Variants in COL6A3 observed in about 807,000 individuals in gnomAD.
The protein encoded by COL6A3 is collagen type VI alpha 3 chain.
COL6A3 carries 137 observed loss-of-function variants against 274.1 expected under a neutral mutation model. That is an observed-to-expected ratio of 0.50 (90% CI 0.44 to 0.58). The LOEUF (loss-of-function observed/expected upper bound fraction) is 0.58. Among genes scored for constraint, COL6A3 ranks in the 20% least tolerant of loss-of-function variants. The pLI is 0.00. For synonymous variants in COL6A3, 1,650 were observed against 1,650.6 expected (o/e 1.00, Z 0.01); for missense variants, 3,950 against 4,124.9 (o/e 0.96, Z 1.16).
In COL6A3 at chr2:237,367,304, G is replaced by C. The variant is rs2106351081; in HGVS notation, c.4901-18C>G. 6.2e-7 allele frequency: 1 copy of C among 1,607,158 alleles called. No homozygotes were observed. Reference sequence around the variant, plus strand: ...CTTCTTCTCTAGAAGTGATTAAAGTGAAAATAAGGAGAGATTAGGTTTCCA... The same window carrying C: ...CTTCTTCTCTAGAAGTGATTAAAGTCAAAATAAGGAGAGATTAGGTTTCCA... On this transcript the variant is annotated intron_variant, in intron 10 of 43. Coordinates refer to ENST00000295550, the MANE Select transcript of COL6A3 (RefSeq NM_004369.4).
intron 16 of COL6A3, 138 bp from the exon 17 acceptor site, chr2:237,360,297 G>A: frequency 1.2e-6 from 1 of 856,644 alleles, no homozygotes; most frequent in East Asian, 2.7e-5. Flanking sequence ...GCCGATCGAG[G>A]CTACGTGAGC....
chr2:237,365,738 T>C lies in COL6A3; in HGVS notation c.5798A>G (p.Tyr1933Cys). The change falls in exon 12 of 44, where the codon TAC (tyrosine) becomes TGC (cysteine). Residue 1933 changes from tyrosine (Y) to cysteine (C), a missense_variant. Physicochemically the swap from Tyr to Cys is radical, Grantham distance 194. Transcript: ENST00000295550. ...CGAGGACTGTCTGAACTTGTTCAGGTAGACCTTCAGGGTGTCCTCCGTGAG... is the reference window on the plus strand; with the variant it reads ...CGAGGACTGTCTGAACTTGTTCAGGCAGACCTTCAGGGTGTCCTCCGTGAG... Reference protein sequence around the residue: ...YVLTEDTLKVYLNKFRQSSPD... With the variant: ...YVLTEDTLKVCLNKFRQSSPD... 1 of 1,614,186 alleles carries C rather than the reference T, an allele frequency of 6.2e-7. No homozygotes were observed. The highest frequency in any genetic ancestry group is 8.5e-7 in the Non-Finnish European group (1 of 1,180,030).
chr2:237,386,482 G>T (rs1383579581), intron 4 of COL6A3: 1 of 152,132 alleles, frequency 6.6e-6, no homozygotes, highest in Non-Finnish European at 1.5e-5. Context: ...TATTTATAAA[G>T]TTAGCAAATA....
At chr2:237,402,140 T>C (rs1166581089) in intron 1 of COL6A3, among the ~76,000 whole-genome samples, 4 of 152,148 alleles carry the variant, frequency 2.6e-5, no homozygotes, top group Non-Finnish European at 5.9e-5. Context: ...AATGCATTAC[T>C]TTATAATTCC....
Position 237,395,220 on chromosome 2 carries a change from T to C in COL6A3, c.92-16A>G. 6.2e-7 allele frequency: 1 copy of C among 1,612,420 alleles called. No individual in the cohort carries two copies. The highest frequency in any genetic ancestry group is 8.5e-7 in the Non-Finnish European group (1 of 1,179,714). Reference sequence around the variant, plus strand: ...TTTTTGACATCTTTAAAAAAAGACATTGGTTTAGATTTTTCTACTATGTAA... The same window carrying C: ...TTTTTGACATCTTTAAAAAAAGACACTGGTTTAGATTTTTCTACTATGTAA... On this transcript the variant is annotated splice_polypyrimidine_tract_variant and intron_variant, in intron 2 of 43. Transcript: ENST00000295550.
chr2:237,355,247 T>A (rs2077293521), intron 23 of COL6A3: 1 of 352,942 alleles, frequency 2.8e-6, no homozygotes, highest in Non-Finnish European at 5.1e-6. Context: ...GGCTGCACGA[T>A]CCCAGCCAGT....
At chr2:237,405,179 T>C (rs185318351) in intron 1 of COL6A3, among the ~76,000 whole-genome samples, 3 of 152,146 alleles carry the variant, frequency 2.0e-5, no homozygotes, top group African/African-American at 7.2e-5. Context: ...ATGGTTTGAC[T>C]GAGCTGAATT....
Position 237,364,405 on chromosome 2 carries a change from T to G in COL6A3, c.5862A>C (p.Gly1954=). The part of the protein sequence containing the change: ...SVKVVIHFTD[G]ADGDLADLHR... ...GTAAATCAGCCAGATCTCCGTCTGCTCCATCAGTAAAATGAATGACCACCT... is the reference window on the plus strand; with the variant it reads ...GTAAATCAGCCAGATCTCCGTCTGCGCCATCAGTAAAATGAATGACCACCT... Residue 1954 remains glycine (G), a synonymous_variant, in exon 13 of 44, where the codon GGA becomes GGC. Transcript: ENST00000295550. The surrounding 1 kb of genome is among the most constrained non-coding windows in gnomAD (Gnocchi z 4.6). The G allele has an allele frequency of 6.2e-7, 1 of 1,613,962 alleles. No homozygotes were observed.
intron 37 of COL6A3, 116 bp from the exon 38 acceptor site, chr2:237,341,266 C>A: frequency 9.1e-7 from 1 of 1,094,508 alleles, no homozygotes; most frequent in East Asian, 2.5e-5. Flanking sequence ...CAAAAGCGGG[C>A]CGGAAGCGGT....
At chr2:237,396,696 T>A (rs2078449615) in intron 2 of COL6A3, 31 bp downstream of exon 2, 1 of 1,602,960 alleles carries the variant, frequency 6.2e-7, no homozygotes, top group African/African-American at 1.3e-5. Context: ...ATATTCCTTT[T>A]TACAAAATCA....
chr2:237,366,879 C>T lies in COL6A3; in HGVS notation c.5308G>A (p.Gly1770Arg). Residue 1770 changes from glycine (G) to arginine (R), a missense_variant, in exon 11 of 44, where the codon GGG (glycine) becomes AGG (arginine). This residue lies in a region of COL6A3 where 632 missense variants were observed against 623.4 expected (regional missense o/e 1.01). Coordinates refer to ENST00000295550, the MANE Select transcript of COL6A3 (RefSeq NM_004369.4). ...QDVSLALTQR[G>R]VKVFAVGVRN... is the part of the protein sequence containing the mutation. The stretch of plus-strand genomic sequence containing the variant: ...ACTCCAACAGCAAACACTTTGACCC[C>T]CCTCTGGGTGAGGGCCAGGCTCACA... 2 of 1,614,256 alleles carry T rather than the reference C, an allele frequency of 1.2e-6. No individual in the cohort carries two copies. The highest frequency in any genetic ancestry group is 1.1e-5 in the South Asian group (1 of 91,088).
In COL6A3 at chr2:237,366,688, T is replaced by C. The variant is rs1199765651; in HGVS notation, c.5499A>G (p.Lys1833=). 5 of 1,614,120 alleles carry C rather than the reference T, an allele frequency of 3.1e-6. No individual in the cohort carries two copies. Among genetic ancestry groups the C allele is most frequent in the Non-Finnish European group, 4.2e-6 (5 of 1,180,048 alleles). ...TLCPGVTDAA[K]ACNLDVILGF... ...AAATATGCACATAATGGGAGTTACC[T>C]TTGGCAGCATCAGTTACACCAGGGC... Residue 1833 remains lysine, a splice_region_variant and synonymous_variant, in exon 11 of 44, where the codon AAA becomes AAG. Coordinates refer to ENST00000295550, the MANE Select transcript of COL6A3 (RefSeq NM_004369.4).
At chr2:237,356,162 A>C (rs1349117458) in intron 23 of COL6A3, among the ~76,000 whole-genome samples, 1 of 152,208 alleles carries the variant, frequency 6.6e-6, no homozygotes, top group Non-Finnish European at 1.5e-5. Flanking sequence ...AATTGAAATT[A>C]ATTGTATGAA....
At chr2:237,409,801 G>C (rs936210823) in intron 1 of COL6A3, among the ~76,000 whole-genome samples, 1 of 152,146 alleles carries the variant, frequency 6.6e-6, no homozygotes, top group Non-Finnish European at 1.5e-5. Context: ...TAATTCTACA[G>C]GGATACGCAA....
Position 237,387,874 on chromosome 2 carries a change from G to A in COL6A3, c.1020C>T (p.Ser340=). 6.2e-7 allele frequency: 1 copy of A among 1,614,056 alleles called. No homozygotes were observed. The highest frequency in any genetic ancestry group is 1.1e-5 in the South Asian group (1 of 91,058). Residue 340 remains serine (S), a synonymous_variant, in exon 4 of 44, where the codon AGC becomes AGT. Transcript: ENST00000295550. ...VENHFTRAGG[S]RVEEGVPQVL... The stretch of plus-strand genomic sequence containing the variant: ...CCTGGGGAACCCCTTCCTCCACGCG[G>A]CTGCCCCCTGCCCGGGTGAAGTGGT...
intron 39 of COL6A3, 89 bp downstream of exon 39, chr2:237,338,926 C>T: frequency 1.0e-6 from 1 of 970,424 alleles, no homozygotes; most frequent in Admixed American, 1.9e-5. Context: ...ATTTCAAGGT[C>T]CTCATCCCAT....
intron 1 of COL6A3, among the ~76,000 whole-genome samples, chr2:237,410,080 C>T (rs773313893): frequency 6.6e-6 from 1 of 152,246 alleles, no homozygotes; most frequent in Non-Finnish European, 1.5e-5. Context: ...TAATGACAAT[C>T]ATGTATTGAA....
At position 237,339,005 on chromosome 2, in the gene COL6A3, A is replaced by T. The variant is rs1371098330; in HGVS notation, c.8567+10T>A. ...CTACAATTTTTAAGACAATAATTAT[A>T]ATCACTTACACTTGTTTGTGACCAA... On this transcript the variant is annotated intron_variant, in intron 39 of 43. Transcript: ENST00000295550. 1 of 1,608,558 alleles carries T rather than the reference A, an allele frequency of 6.2e-7. No individual in the cohort carries two copies. The highest frequency in any genetic ancestry group is 1.3e-5 in the African/African-American group (1 of 74,814).
intron 21 of COL6A3, 151 bp downstream of exon 21, chr2:237,358,370 A>C (rs1424751468): frequency 1.4e-6 from 1 of 708,106 alleles, no homozygotes; most frequent in Non-Finnish European, 2.5e-6. Context: ...CATCTCCCCA[A>C]ACCCCCAAAC....
Sources: allele counts gnomAD v4.1 joint callset (sites outside exome capture counted in the v4.1 genomes callset), GRCh38; gene constraint gnomAD v4.1.1; regional missense constraint gnomAD v4.1.1; non-coding constraint Gnocchi (gnomAD v3.1); transcripts MANE v1.5; gene names NCBI Gene and HGNC (gene_info 2026-07-23, HGNC 2026-07-21).